The following PWWP3A variants were observed in gnomAD, a reference collection of about 807,000 sequenced individuals.
PWWP3A encodes PWWP domain containing 3A, DNA repair factor.
PWWP3A carries 53 observed loss-of-function variants against 79.0 expected under a neutral mutation model. The observed-to-expected ratio is 0.67, with a 90% CI of 0.54 to 0.84. PWWP3A has a LOEUF of 0.84. Ranked by LOEUF, PWWP3A falls within the 40% of genes least tolerant of loss-of-function variation. The probability of loss-of-function intolerance (pLI) is 0.00; values close to 1 mark genes in which losing one functional copy is unlikely to be tolerated. For synonymous variants in PWWP3A, 443 were observed against 394.4 expected (o/e 1.12, Z -1.46); for missense variants, 973 against 948.0 (o/e 1.03, Z -0.35).
At chr19:1,366,977 C>T (rs920405614) in intron 8 of PWWP3A, among the ~76,000 whole-genome samples, 183 bp from the exon 9 acceptor site, 19 of 152,230 alleles carry the variant, frequency 1.2e-4, no homozygotes, top group African/African-American at 4.3e-4. Context: ...GCTGAAGTCA[C>T]TGGACCCACC....
At chr19:1,371,739 C>T (rs1403813991) in intron 12 of PWWP3A, among the ~76,000 whole-genome samples, 1 of 151,190 alleles carries the variant, frequency 6.6e-6, no homozygotes, top group Non-Finnish European at 1.5e-5. Flanking sequence ...AAGAAAATAG[C>T]ATAATGAACT....
chr19:1,362,674 AG>A (rs1218910447), intron 6 of PWWP3A, among the ~76,000 whole-genome samples: 1 of 152,142 alleles, frequency 6.6e-6, no homozygotes, highest in Non-Finnish European at 1.5e-5. Flanking sequence ...CAGTGAGCCG[AG>A]GGGCTGCGTC....
Position 1,369,527 on chromosome 19 carries a change from C to G in PWWP3A, c.1499-69C>G. Reference sequence around the variant, plus strand: ...TTCCTAAACAGAGACGCCGGGCCAGCCCCTGGAACACACTTCCTGGGACTC... The same window carrying G: ...TTCCTAAACAGAGACGCCGGGCCAGGCCCTGGAACACACTTCCTGGGACTC... On this transcript the variant is annotated intron_variant, in intron 10 of 13. Coordinates refer to ENST00000591337, the MANE Select transcript of PWWP3A (RefSeq NM_001369789.1). The surrounding 1 kb of genome is among the most constrained non-coding windows in gnomAD (Gnocchi z 4.0). The G allele has an allele frequency of 6.4e-7, 1 of 1,572,084 alleles. No individual in the cohort carries two copies. Among genetic ancestry groups the G allele is most frequent in the Non-Finnish European group, 8.8e-7 (1 of 1,142,218 alleles).
At chr19:1,370,438 C>T (rs2082227041) in intron 11 of PWWP3A, among the ~76,000 whole-genome samples, 1 of 152,060 alleles carries the variant, frequency 6.6e-6, no homozygotes, top group African/African-American at 2.4e-5. Flanking sequence ...GCTGCAGGGC[C>T]CAGTGAGGGG....
In PWWP3A at chr19:1,377,017, G is replaced by C. The variant is rs965407188; in HGVS notation, c.*441G>C. 2 of 153,990 alleles carry C rather than the reference G, an allele frequency of 1.3e-5. No individual in the cohort carries two copies. The highest frequency in any genetic ancestry group is 2.4e-5 in the African/African-American group (1 of 41,218). 9.5% of individuals were successfully genotyped at this position (153,990 alleles called of 1,614,324 possible). A position where few individuals can be genotyped will look rare whatever the true frequency, so the allele number is the denominator to read the frequency against. On this transcript the variant is annotated 3_prime_UTR_variant, in exon 14 of 14. Transcript: ENST00000591337. ...TTCTTCCGGGTTTGCTGTTTTGTCT[G>C]TTTCCCCCTTGTGTGGTTTCCGCCT...
At position 1,360,277 on chromosome 19, in the gene PWWP3A, T is replaced by C; in HGVS notation, c.356T>C (p.Leu119Pro). 1 of 1,614,066 alleles carries C rather than the reference T, an allele frequency of 6.2e-7. No homozygotes were observed. The highest frequency in any genetic ancestry group is 8.5e-7 in the Non-Finnish European group (1 of 1,179,982). Residue 119 changes from leucine to proline, a missense_variant, in exon 5 of 14, where the codon CTG (leucine) becomes CCG (proline). Coordinates refer to ENST00000591337, the MANE Select transcript of PWWP3A (RefSeq NM_001369789.1). This position sits in a 1 kb window ranked among gnomAD's most constrained non-coding sequence, Gnocchi z 4.4. The part of the protein sequence containing the change: ...SAGTGRADRS[L>P]RGKPMEHVSS... ...GGGACAGGTAGAGCTGACCGGTCTC[T>C]GCGAGGGAAGCCCATGGAGCATGTC...
At position 1,369,130 on chromosome 19, in the gene PWWP3A, A is replaced by T. The variant is rs1346946021; in HGVS notation, c.1423-135A>T. On this transcript the variant is annotated intron_variant, in intron 9 of 13. Transcript: ENST00000591337. The surrounding 1 kb of genome is among the most constrained non-coding windows in gnomAD (Gnocchi z 4.0). ...GGCGTCTGCCAGAGCCCCCTTTGTC[A>T]GGGAGGGTCAGAGGTGCGGGCTGGA... 1.4e-6 allele frequency: 1 copy of T among 719,322 alleles called. No individual in the cohort carries two copies. Among genetic ancestry groups the T allele is most frequent in the African/African-American group, 1.8e-5 (1 of 56,544 alleles). 44.6% of individuals were successfully genotyped at this position (719,322 alleles called of 1,614,324 possible).
At chr19:1,362,039 C>T (rs2082028066) in intron 5 of PWWP3A, 3 of 390,964 alleles carry the variant, frequency 7.7e-6, no homozygotes, top group Admixed American at 4.2e-5. Context: ...CTCCCTCCCT[C>T]CTTCCCTCCT....
At position 1,360,876 on chromosome 19, in the gene PWWP3A, A is replaced by C. The variant is rs1014280540; in HGVS notation, c.955A>C (p.Met319Leu). ...GCCGCCTGCCGTGCAGCTGGAGCCC[A>C]TGGCAGCAGGGGCCGCACCATCCCC... ...QRPPAVQLEP[M>L]AAGAAPSPGP... Residue 319 changes from methionine (M) to leucine (L), a missense_variant, in exon 5 of 14, where the codon ATG (methionine) becomes CTG (leucine). Met to Leu is a conservative substitution (Grantham distance 15). Coordinates refer to ENST00000591337, the MANE Select transcript of PWWP3A (RefSeq NM_001369789.1). This position sits in a 1 kb window ranked among gnomAD's most constrained non-coding sequence, Gnocchi z 4.4. 6.5e-7 allele frequency: 1 copy of C among 1,547,096 alleles called. No individual in the cohort carries two copies. Among genetic ancestry groups the C allele is most frequent in the Non-Finnish European group, 8.7e-7 (1 of 1,146,112 alleles).
Position 1,376,605 on chromosome 19 carries a change from G to A in PWWP3A, c.*29G>A, listed in dbSNP as rs759437273. On this transcript the variant is annotated 3_prime_UTR_variant, in exon 14 of 14. Transcript: ENST00000591337. The stretch of plus-strand genomic sequence containing the variant: ...AGCAGCCGGCTGTGCTGTCAGCGGG[G>A]CCTGGCGGTGGAAGCGCCTCCAGTG... 2 of 1,612,208 alleles carry A rather than the reference G, an allele frequency of 1.2e-6. No individual in the cohort carries two copies. Among genetic ancestry groups the A allele is most frequent in the South Asian group, 1.1e-5 (1 of 91,010 alleles).
rs773403496 is a variant in PWWP3A at position 1,362,378 on chromosome 19, A to C, written c.1213+27A>C. The C allele has an allele frequency of 1.9e-5, 31 of 1,594,302 alleles. 1 individual carries two copies. Among genetic ancestry groups the C allele is most frequent in the Middle Eastern group, 3.7e-4 (2 of 5,458 alleles). On this transcript the variant is annotated intron_variant, in intron 6 of 13. Transcript: ENST00000591337. ...TAAGAAATGATCAGGGGGCGCCGGC[A>C]GTCCTAACGGTGCGCTCAGAGGCAG...
chr19:1,373,027 A>T (rs1327956459), intron 12 of PWWP3A, 45 bp from the exon 13 acceptor site: 12 of 1,582,148 alleles, frequency 7.6e-6, no homozygotes, highest in African/African-American at 1.3e-5. Flanking sequence ...ACTTGGGGCC[A>T]GTTGGGCAGT....
intron 3 of PWWP3A, chr19:1,357,901 C>T (rs1600096670): frequency 6.1e-6 from 1 of 163,870 alleles, no homozygotes; most frequent in African/African-American, 2.4e-5. Flanking sequence ...GCCCCACTCC[C>T]TCCTGCCTGC....
At chr19:1,358,819 G>C (rs374052374) in intron 4 of PWWP3A, 3 of 578,072 alleles carry the variant, frequency 5.2e-6, no homozygotes, top group Non-Finnish European at 3.0e-6. Context: ...AGTAAGATTT[G>C]CTGTGGTACT....
chr19:1,364,070 T>C (rs2144723999), intron 6 of PWWP3A: 1 of 478,462 alleles, frequency 2.1e-6, no homozygotes, highest in Non-Finnish European at 4.2e-6. Flanking sequence ...CCCAGAATCC[T>C]CTTTAGAATC....
At chr19:1,356,180 G>T in intron 1 of PWWP3A, 144 bp from the exon 2 acceptor site, 2,016 of 457,404 alleles carry the variant, frequency 4.4e-3, no homozygotes, top group Middle Eastern at 6.2e-3. Context: ...TCTGCTTTTT[G>T]GCATTGAGCA....
chr19:1,374,888 CAG>C (rs2082332399), intron 13 of PWWP3A, among the ~76,000 whole-genome samples: 1 of 151,988 alleles, frequency 6.6e-6, no homozygotes, highest in East Asian at 1.9e-4. Context: ...GTCTGGGTGA[CAG>C]AGCAACACCC....
At chr19:1,364,383 GAC>G in intron 6 of PWWP3A, 124 bp from the exon 7 acceptor site, 1 of 714,116 alleles carries the variant, frequency 1.4e-6, no homozygotes, top group Non-Finnish European at 2.4e-6. Flanking sequence ...TTAAGCGAAT[GAC>G]ACAAAGTCAG....
At position 1,369,389 on chromosome 19, in the gene PWWP3A, C is replaced by T; in HGVS notation, c.1498+49C>T. On this transcript the variant is annotated intron_variant, in intron 10 of 13. Coordinates refer to ENST00000591337, the MANE Select transcript of PWWP3A (RefSeq NM_001369789.1). The surrounding 1 kb of genome is among the most constrained non-coding windows in gnomAD (Gnocchi z 4.0). The stretch of plus-strand genomic sequence containing the variant: ...TGGAGCTGGGCAGCAGGCGTCCAGC[C>T]TCTGAAGACCCCTTGGACGGGCTGG... The T allele has an allele frequency of 6.3e-7, 1 of 1,589,596 alleles. No individual in the cohort carries two copies. The highest frequency in any genetic ancestry group is 8.6e-7 in the Non-Finnish European group (1 of 1,159,612).
Sources: gnomAD v4.1 joint callset for allele counts (sites outside exome capture counted in the v4.1 genomes callset) on GRCh38, gnomAD v4.1.1 for gene constraint, Gnocchi (gnomAD v3.1) non-coding constraint, MANE v1.5 for transcripts, NCBI Gene and HGNC (gene_info 2026-07-23, HGNC 2026-07-21) for gene names.